Variants in MYRFL observed in about 807,000 individuals in gnomAD.
MYRFL encodes the protein myelin regulatory factor like.
In MYRFL, 88 loss-of-function variants were observed where a neutral mutation model predicts 109.4. That is an observed-to-expected ratio of 0.80 (90% confidence interval 0.68 to 0.96). The LOEUF is 0.96. Ranked by LOEUF, MYRFL falls within the 40% of genes least tolerant of loss-of-function variation. The pLI is 0.00. For missense variants in MYRFL, 957 were observed against 954.9 expected, an observed-to-expected ratio of 1.00 and a Z score of -0.03; for synonymous variants, 324 against 320.9, an observed-to-expected ratio of 1.01 and a Z score of -0.10.
chr12:69,888,091 A>T (rs1886567572), intron 6 of MYRFL, among the ~76,000 whole-genome samples: 1 of 152,228 alleles, frequency 6.6e-6, no homozygotes, highest in Non-Finnish European at 1.5e-5. Flanking sequence ...GGTAAGTGTT[A>T]TCCCTCTTCT....
In MYRFL at chr12:69,903,845, G is replaced by T. The variant is rs577523836; in HGVS notation, c.1383+1G>T. On this transcript the variant is annotated splice_donor_variant, in intron 11 of 24. Coordinates refer to ENST00000552032, the MANE Select transcript of MYRFL (RefSeq NM_182530.3). LOFTEE classifies it high-confidence loss of function. ...CCGGGCAAAGCAGAATATCCAGGAGGTGAGCACAGATTCAGGCCCTGGGCC... is the reference window on the plus strand; with the variant it reads ...CCGGGCAAAGCAGAATATCCAGGAGTTGAGCACAGATTCAGGCCCTGGGCC... 1 of 1,524,978 alleles carries T rather than the reference G, an allele frequency of 6.6e-7. No individual in the cohort carries two copies. Among genetic ancestry groups the T allele is most frequent in the East Asian group, 2.5e-5 (1 of 40,786 alleles). 94.5% of individuals were successfully genotyped at this position (1,524,978 alleles called of 1,614,324 possible). A position where few individuals can be genotyped will look rare whatever the true frequency, so the allele number is the denominator to read the frequency against.
chr12:69,917,383 C>T (rs1291571712), intron 13 of MYRFL, among the ~76,000 whole-genome samples: 23 of 102,492 alleles, frequency 2.2e-4, no homozygotes, highest in South Asian at 3.8e-4. Flanking sequence ...TATTCACTGA[C>T]TTTTTTTTTT....
chr12:69,886,840 A>T lies in MYRFL; in HGVS notation c.577A>T (p.Ser193Cys), dbSNP rs1437881230. 6 of 1,535,834 alleles carry T rather than the reference A, an allele frequency of 3.9e-6. No homozygotes were observed. The highest frequency in any genetic ancestry group is 1.7e-4 in the Middle Eastern group (1 of 6,000). Reference protein sequence around the residue: ...CRPMTSRSRSSEVQDPDSEGQ... With the variant: ...CRPMTSRSRSCEVQDPDSEGQ... Reference sequence around the variant, plus strand: ...TGCAGTGACAAGTAGGAGTCGCAGCAGTGAAGTCCAGGACCCTGACAGTGA... The same window carrying T: ...TGCAGTGACAAGTAGGAGTCGCAGCTGTGAAGTCCAGGACCCTGACAGTGA... The change falls in exon 6 of 25, where the codon AGT (serine) becomes TGT (cysteine). Residue 193 changes from serine (S) to cysteine (C), a missense_variant. Physicochemically the swap from Ser to Cys is moderately radical, Grantham distance 112. Transcript: ENST00000552032.
rs71098067 is a variant in MYRFL at position 69,936,078 on chromosome 12, GTTTTTTTTTTTTTTT to G, written c.1917-20_1917-6del. 67 of 893,908 alleles carry G rather than the reference GTTTTTTTTTTTTTTT, an allele frequency of 7.5e-5. No individual in the cohort carries two copies. Among genetic ancestry groups the G allele is most frequent in the East Asian group, 6.6e-4 (11 of 16,630 alleles). 55.4% of individuals were successfully genotyped at this position (893,908 alleles called of 1,614,324 possible). A position where few individuals can be genotyped will look rare whatever the true frequency, so the allele number is the denominator to read the frequency against. ...TCTGGAAACAAATCTGCCACATAAT[GTTTTTTTTTTTTTTT>G]TTTTTTTTTTTTTTGACAGTGCTTT... On this transcript the variant is annotated intron_variant, in intron 16 of 24. Coordinates refer to ENST00000552032, the MANE Select transcript of MYRFL (RefSeq NM_182530.3).
chr12:69,881,879 G>A (rs377329773), intron 5 of MYRFL, among the ~76,000 whole-genome samples: 6 of 152,262 alleles, frequency 3.9e-5, no homozygotes, highest in African/African-American at 1.4e-4. Context: ...CATCTAGCCT[G>A]TAGCTTTTTT....
Position 69,879,250 on chromosome 12 carries a change from C to T in MYRFL, c.261C>T (p.Leu87=), listed in dbSNP as rs1208630940. 2 of 702,774 alleles carry T rather than the reference C, an allele frequency of 2.8e-6. No homozygotes were observed. Among genetic ancestry groups the T allele is most frequent in the African/African-American group, 3.5e-5 (2 of 57,244 alleles). 43.5% of individuals were successfully genotyped at this position (702,774 alleles called of 1,614,324 possible). ...PTAGRTPAPF[L]HPTAAPAMPP... ...CTGGGAGGACTCCAGCTCCTTTTCT[C>T]CACCCCACAGCTGCTCCTGCGATGC... The change falls in exon 4 of 25, where the codon CTC becomes CTT. Residue 87 remains leucine (L), a synonymous_variant. Transcript: ENST00000552032.
intron 1 of MYRFL, among the ~76,000 whole-genome samples, chr12:69,830,841 G>A (rs1940328714): frequency 6.6e-6 from 1 of 152,056 alleles, no homozygotes; most frequent in African/African-American, 2.4e-5. Flanking sequence ...CATCTCTGGG[G>A]AGTCCTGGAA....
intron 19 of MYRFL, among the ~76,000 whole-genome samples, chr12:69,940,294 G>T (rs1955602696): frequency 6.6e-6 from 1 of 150,676 alleles, no homozygotes; most frequent in Non-Finnish European, 1.5e-5. Context: ...GTTAAGGGCA[G>T]CCAGAGAGAA....
In MYRFL at chr12:69,881,640, C is replaced by T. The variant is rs557402267; in HGVS notation, c.556+1348C>T. Among the ~76,000 whole-genome samples the T allele has an allele frequency of 2.6e-5, 4 of 152,320 alleles. No homozygotes were observed. In the East Asian group the frequency reaches 7.7e-4, roughly 29 times the overall value. On this transcript the variant is annotated intron_variant, in intron 5 of 24. Transcript: ENST00000552032. ...CCTGTCAGTCAAGTCCCACCCATCTCCTGGGAGTGCGGTCTCAGAATTGCA... is the reference window on the plus strand; with the variant it reads ...CCTGTCAGTCAAGTCCCACCCATCTTCTGGGAGTGCGGTCTCAGAATTGCA...
At chr12:69,873,619 G>A (rs1014889358) in intron 2 of MYRFL, among the ~76,000 whole-genome samples, 4 of 152,192 alleles carry the variant, frequency 2.6e-5, no homozygotes, top group African/African-American at 7.2e-5. Flanking sequence ...AGTGGATACA[G>A]TGTGGATATA....
In MYRFL at chr12:69,927,699, C is replaced by G. The variant is rs1220201767; in HGVS notation, c.1781C>G (p.Ala594Gly). The change falls in exon 15 of 25, where the codon GCC becomes GGC. Residue 594 changes from alanine to glycine, a missense_variant. Coordinates refer to ENST00000552032, the MANE Select transcript of MYRFL (RefSeq NM_182530.3). ...CTCTTTTAAAGCAAATCTAGCAGAG[C>G]CGTTAGTGCATCTTCTCCAAGAAGG... is the stretch of plus-strand genomic sequence containing the variant. ...EASTISKSSR[A>G]VSASSPRRAV... 3.3e-6 allele frequency: 5 copies of G among 1,533,190 alleles called. No individual in the cohort carries two copies. The African/African-American group carries it at 4.1e-5, about 13-fold the overall frequency. 95.0% of individuals were successfully genotyped at this position (1,533,190 alleles called of 1,614,324 possible). A position where few individuals can be genotyped will look rare whatever the true frequency, so the allele number is the denominator to read the frequency against.
chr12:69,873,242 G>A (rs1041424895), intron 2 of MYRFL, among the ~76,000 whole-genome samples: 5 of 151,932 alleles, frequency 3.3e-5, no homozygotes, highest in African/African-American at 1.2e-4. Flanking sequence ...GATAGATGAT[G>A]AGCTAAACCA....
intron 13 of MYRFL, among the ~76,000 whole-genome samples, chr12:69,925,975 G>A (rs1955060973): frequency 7.0e-6 from 1 of 142,262 alleles, no homozygotes; most frequent in Non-Finnish European, 1.5e-5. Flanking sequence ...AAAAGCCCAG[G>A]TCTTTGTTCC....
intron 14 of MYRFL, among the ~76,000 whole-genome samples, chr12:69,927,003 G>A (rs1955117340): frequency 8.3e-6 from 1 of 120,474 alleles, no homozygotes; most frequent in South Asian, 2.9e-4. Flanking sequence ...GGAGTACAAT[G>A]GCACAATCTT....
chr12:69,943,287 A>G (rs1370230319), intron 19 of MYRFL, among the ~76,000 whole-genome samples: 1 of 150,588 alleles, frequency 6.6e-6, no homozygotes, highest in Non-Finnish European at 1.5e-5. Flanking sequence ...AAACTATACT[A>G]CAAGGCTACA....
At chr12:69,935,969 C>A in intron 16 of MYRFL, 144 bp from the exon 17 acceptor site, 1 of 895,968 alleles carries the variant, frequency 1.1e-6, no homozygotes, top group Non-Finnish European at 1.6e-6. Flanking sequence ...GTGTTTCTGT[C>A]AGCCGTGGCC....
chr12:69,891,267 AAC>A, intron 7 of MYRFL, 101 bp downstream of exon 7: 1 of 894,424 alleles, frequency 1.1e-6, no homozygotes, highest in Non-Finnish European at 1.6e-6. Context: ...TTAAAATAAT[AAC>A]AGTCCTTTAT....
chr12:69,825,627 C>T (rs1352206133), intron 1 of MYRFL, 64 bp downstream of exon 1: 2 of 686,866 alleles, frequency 2.9e-6, no homozygotes, highest in Admixed American at 2.2e-5. Context: ...CCCTGTTTCA[C>T]CTTTTCCGTA....
intron 2 of MYRFL, among the ~76,000 whole-genome samples, chr12:69,874,220 T>C (rs1885521738): frequency 6.6e-6 from 1 of 152,256 alleles, no homozygotes. Flanking sequence ...AGCCTGTTGC[T>C]CAGGCTAGGG....
Sources: gnomAD v4.1 joint callset for allele counts (sites outside exome capture counted in the v4.1 genomes callset) on GRCh38, gnomAD v4.1.1 for gene constraint, MANE v1.5 for transcripts, NCBI Gene and HGNC (gene_info 2026-07-23, HGNC 2026-07-21) for gene names.